AQP12B: variants seen among roughly 807,000 people sequenced by gnomAD.
AQP12B encodes the protein putative aquaporin-12B.
AQP12B carries 8 observed loss-of-function variants against 11.5 expected under a neutral mutation model. The observed-to-expected ratio is 0.70, with a 90% CI of 0.41 to 1.26. AQP12B has a LOEUF of 1.26. Among genes scored for constraint, AQP12B ranks in the 50% most tolerant of loss-of-function variants. The probability of loss-of-function intolerance (pLI) is 0.01; values close to 1 mark genes in which losing one functional copy is unlikely to be tolerated. For synonymous variants in AQP12B, 123 were observed against 158.0 expected (o/e 0.78, Z 1.66); for missense variants, 247 against 322.0 (o/e 0.77, Z 1.78).
Position 240,682,403 on chromosome 2 carries a change from G to A in AQP12B, c.435C>T (p.Ser145=), listed in dbSNP as rs771581396. Residue 145 remains serine (S), a synonymous_variant, in exon 1 of 3, where the codon AGC becomes AGT. Coordinates refer to ENST00000407834, the MANE Select transcript of AQP12B (RefSeq NM_001102467.2). ...WELSDLHLLQ[S]LMAQSCSSAL... ...CCGAGCTGCAGCTCTGGGCCATGAG[G>A]CTCTGCAGCAGGTGCAGGTCACTGA... 4 of 1,591,802 alleles carry A rather than the reference G, an allele frequency of 2.5e-6. No homozygotes were observed. The highest frequency in any genetic ancestry group is 1.1e-5 in the South Asian group (1 of 89,944).
intron 1 of AQP12B, among the ~76,000 whole-genome samples, chr2:240,680,937 CAG>C (rs1180033621): frequency 3.5e-5 from 3 of 86,206 alleles, no homozygotes; most frequent in Non-Finnish European, 4.1e-5. Flanking sequence ...AGAGGAGAGA[CAG>C]AGAGAGAGAG....
In AQP12B at chr2:240,682,465, C is replaced by A; in HGVS notation, c.373G>T (p.Ala125Ser). The A allele has an allele frequency of 6.2e-7, 1 of 1,610,450 alleles. No homozygotes were observed. Among genetic ancestry groups the A allele is most frequent in the South Asian group, 1.1e-5 (1 of 90,974 alleles). ...CAGCAGAGGCGCGTCAGGGTGCAGG[C>A]GGCCTGCATGCCCAGCCCCTGTGCC... is the stretch of plus-strand genomic sequence containing the variant. ...LAAQGLGMQA[A>S]CTLTRLCWAW... The change falls in exon 1 of 3, where the codon GCC becomes TCC. Residue 125 changes from alanine to serine, a missense_variant. Ala to Ser is a moderately conservative substitution (Grantham distance 99). Coordinates refer to ENST00000407834, the MANE Select transcript of AQP12B (RefSeq NM_001102467.2).
In AQP12B at chr2:240,682,705, C is replaced by T; in HGVS notation, c.133G>A (p.Val45Met). Residue 45 changes from valine (V) to methionine (M), a missense_variant, in exon 1 of 3, where the codon GTG becomes ATG. Val to Met is a conservative substitution (Grantham distance 21). Around this residue, in one of 4 missense-constraint regions of AQP12B, gnomAD observed 206 missense variants for 173.2 expected, o/e 1.19. Coordinates refer to ENST00000407834, the MANE Select transcript of AQP12B (RefSeq NM_001102467.2). ...EVFAREAVGA[V>M]QLGACFLEMR... ...TCCAGGAAGCAGGCCCCGAGCTGCA[C>T]CGCGCCCACCGCCTCCCGGGCGAAG... The T allele has an allele frequency of 6.2e-7, 1 of 1,612,672 alleles. No individual in the cohort carries two copies. Among genetic ancestry groups the T allele is most frequent in the South Asian group, 1.1e-5 (1 of 91,008 alleles).
chr2:240,683,560 C>T (rs184935206), upstream of AQP12B, among the ~76,000 whole-genome samples: 2 of 152,070 alleles, frequency 1.3e-5, no homozygotes, highest in East Asian at 3.9e-4. Context: ...TGCGTCCCTG[C>T]CTATGGGAAG....
At position 240,682,656 on chromosome 2, in the gene AQP12B, C is replaced by T. The variant is rs555177924; in HGVS notation, c.182G>A (p.Gly61Glu). Reference protein sequence around the residue: ...FLEMRTLVELGPWAGDFGPDL... With the variant: ...FLEMRTLVELEPWAGDFGPDL... ...AGGCCCAAAGTCCCCAGCCCAGGGC[C>T]CGAGCTCGACCAGCGTCCTCATCTC... Residue 61 changes from glycine to glutamate, a missense_variant, in exon 1 of 3, where the codon GGG becomes GAG. This residue lies in a region of AQP12B where 206 missense variants were observed against 173.2 expected (regional missense o/e 1.19). Coordinates refer to ENST00000407834, the MANE Select transcript of AQP12B (RefSeq NM_001102467.2). The T allele has an allele frequency of 1.9e-6, 3 of 1,613,378 alleles. No homozygotes were observed. Among genetic ancestry groups the T allele is most frequent in the African/African-American group, 2.7e-5 (2 of 74,906 alleles).
chr2:240,682,868 C>A lies in AQP12B; in HGVS notation c.-31G>T. ...TGGGCCCCCCGAGATGCTGTGCCTGCAGGACACCTGAGGGGACAGAGCAGG... is the reference window on the plus strand; with the variant it reads ...TGGGCCCCCCGAGATGCTGTGCCTGAAGGACACCTGAGGGGACAGAGCAGG... On this transcript the variant is annotated 5_prime_UTR_variant, in exon 1 of 3. Transcript: ENST00000407834. 1.3e-6 allele frequency: 2 copies of A among 1,565,266 alleles called. No homozygotes were observed. Among genetic ancestry groups the A allele is most frequent in the Non-Finnish European group, 8.7e-7 (1 of 1,153,492 alleles).
At position 240,682,853 on chromosome 2, in the gene AQP12B, G is replaced by C. The variant is rs767332173; in HGVS notation, c.-16C>G. 88 of 1,568,216 alleles carry C rather than the reference G, an allele frequency of 5.6e-5. 15 individuals carry two copies. In the South Asian group the frequency reaches 7.4e-4, roughly 13 times the overall value. On this transcript the variant is annotated 5_prime_UTR_variant, in exon 1 of 3. Transcript: ENST00000407834. ...GACCTGCCATCGGCCTGGGCCCCCC[G>C]AGATGCTGTGCCTGCAGGACACCTG...
chr2:240,680,930 G>A (rs1255469027), intron 1 of AQP12B, among the ~76,000 whole-genome samples: 1 of 86,056 alleles, frequency 1.2e-5, no homozygotes, highest in East Asian at 4.8e-4. Context: ...GAGAGAGAGA[G>A]GAGAGACAGA....
At chr2:240,683,059 G>A (rs568300674), upstream of AQP12B, among the ~76,000 whole-genome samples, 8 of 151,308 alleles carry the variant, frequency 5.3e-5, no homozygotes, top group South Asian at 2.2e-4. Flanking sequence ...GCATCATCCC[G>A]TCATGTGACA....
At position 240,682,424 on chromosome 2, in the gene AQP12B, A is replaced by T; in HGVS notation, c.414T>A (p.Ser138Arg). 1.9e-6 allele frequency: 3 copies of T among 1,602,022 alleles called. No homozygotes were observed. Among genetic ancestry groups the T allele is most frequent in the Non-Finnish European group, 2.6e-6 (3 of 1,174,726 alleles). ...LTRLCWAWEL[S>R]DLHLLQSLMA... ...TGAGGCTCTGCAGCAGGTGCAGGTC[A>T]CTGAGCTCCCAGGCCCAGCAGAGGC... Residue 138 changes from serine to arginine, a missense_variant, in exon 1 of 3, where the codon AGT becomes AGA. By Grantham distance (110) the Ser-to-Arg change is moderately radical. Transcript: ENST00000407834.
chr2:240,683,491 GC>G (rs1422080654), upstream of AQP12B, among the ~76,000 whole-genome samples: 1 of 151,830 alleles, frequency 6.6e-6, no homozygotes, highest in East Asian at 1.9e-4. Flanking sequence ...TTGAGTGAGT[GC>G]CCCCTGCTCC....
Position 240,682,573 on chromosome 2 carries a change from C to G in AQP12B, c.265G>C (p.Gly89Arg), listed in dbSNP as rs202020511. 9 of 1,613,256 alleles carry G rather than the reference C, an allele frequency of 5.6e-6. No individual in the cohort carries two copies. The highest frequency in any genetic ancestry group is 2.2e-5 in the East Asian group (1 of 44,864). Residue 89 changes from glycine (G) to arginine (R), a missense_variant, in exon 1 of 3, where the codon GGG becomes CGG. By Grantham distance (125) the Gly-to-Arg change is moderately radical (BLOSUM62 -2). Coordinates refer to ENST00000407834, the MANE Select transcript of AQP12B (RefSeq NM_001102467.2). ...LFLAHGVTLDGASANPTVSLQ... is the reference protein window; with the variant it reads ...LFLAHGVTLDRASANPTVSLQ... ...GACACGGTGGGGTTGGCCGAGGCCC[C>G]GTCCAAGGTGACCCCGTGCGCCAGG... is the stretch of plus-strand genomic sequence containing the variant.
chr2:240,682,679 C>T lies in AQP12B; in HGVS notation c.159G>A (p.Glu53=). The part of the protein sequence containing the change: ...GAVQLGACFL[E]MRTLVELGPW... ...GCCCGAGCTCGACCAGCGTCCTCATCTCCAGGAAGCAGGCCCCGAGCTGCA... is the reference window on the plus strand; with the variant it reads ...GCCCGAGCTCGACCAGCGTCCTCATTTCCAGGAAGCAGGCCCCGAGCTGCA... Residue 53 remains glutamate, a synonymous_variant, in exon 1 of 3, where the codon GAG becomes GAA. Transcript: ENST00000407834. 6.2e-7 allele frequency: 1 copy of T among 1,613,592 alleles called. No homozygotes were observed. Among genetic ancestry groups the T allele is most frequent in the Non-Finnish European group, 8.5e-7 (1 of 1,179,836 alleles).
upstream of AQP12B, among the ~76,000 whole-genome samples, chr2:240,683,545 G>A (rs112804229): frequency 7.9e-3 from 1,199 of 152,018 alleles, 38 homozygotes; most frequent in African/African-American, 0.028. Context: ...CCCCCTGCAC[G>A]TGGCTGCGTC....
intron 1 of AQP12B, among the ~76,000 whole-genome samples, chr2:240,681,332 G>A (rs1444490089): frequency 4.1e-5 from 2 of 48,716 alleles, no homozygotes; most frequent in Non-Finnish European, 8.1e-5. Flanking sequence ...CCACAGAGCC[G>A]TGTCCCTGCA....
upstream of AQP12B, among the ~76,000 whole-genome samples, chr2:240,683,437 C>T (rs1267946528): frequency 6.6e-6 from 1 of 151,456 alleles, no homozygotes; most frequent in Non-Finnish European, 1.5e-5. Context: ...TTTGACCCAG[C>T]CTAGGTGAAG....
chr2:240,682,848 C>G lies in AQP12B; in HGVS notation c.-11G>C. On this transcript the variant is annotated 5_prime_UTR_variant, in exon 1 of 3. Transcript: ENST00000407834. The stretch of plus-strand genomic sequence containing the variant: ...GTTAAGACCTGCCATCGGCCTGGGC[C>G]CCCCGAGATGCTGTGCCTGCAGGAC... 6.4e-7 allele frequency: 1 copy of G among 1,570,754 alleles called. No individual in the cohort carries two copies. Among genetic ancestry groups the G allele is most frequent in the Non-Finnish European group, 8.6e-7 (1 of 1,157,044 alleles).
chr2:240,681,109 C>T (rs1308535711), intron 1 of AQP12B, among the ~76,000 whole-genome samples: 2 of 62,250 alleles, frequency 3.2e-5, no homozygotes, highest in South Asian at 5.2e-4. Context: ...CCACCAATAC[C>T]GGGGACCTGC....
chr2:240,682,585 C>G lies in AQP12B; in HGVS notation c.253G>C (p.Val85Leu), dbSNP rs182755222. The change falls in exon 1 of 3, where the codon GTC (valine) becomes CTC (leucine). Residue 85 changes from valine (V) to leucine (L), a missense_variant. Physicochemically the swap from Val to Leu is conservative, Grantham distance 32. This residue lies in a region of AQP12B where 206 missense variants were observed against 173.2 expected (regional missense o/e 1.19). Coordinates refer to ENST00000407834, the MANE Select transcript of AQP12B (RefSeq NM_001102467.2). ...LLFLLFLAHG[V>L]TLDGASANPT... ...TTGGCCGAGGCCCCGTCCAAGGTGA[C>G]CCCGTGCGCCAGGAAGAGCAGGAAG... 1.2e-6 allele frequency: 2 copies of G among 1,612,992 alleles called. No homozygotes were observed. Among genetic ancestry groups the G allele is most frequent in the Non-Finnish European group, 1.7e-6 (2 of 1,179,652 alleles).
Sources: allele counts gnomAD v4.1 joint callset (sites outside exome capture counted in the v4.1 genomes callset), GRCh38; gene constraint gnomAD v4.1.1; regional missense constraint gnomAD v4.1.1; transcripts MANE v1.5; gene names NCBI Gene and HGNC (gene_info 2026-07-23, HGNC 2026-07-21).